Variants in SGCZ observed in about 807,000 individuals in gnomAD.
SGCZ encodes zeta-sarcoglycan.
Under a neutral mutation model 41.3 loss-of-function variants are expected in SGCZ, and 40 were observed. The ratio of observed to expected loss-of-function variants is 0.97; its 90% confidence interval spans 0.75 to 1.26. The LOEUF is 1.26. Ranked by LOEUF, SGCZ falls within the 50% of genes most tolerant of loss-of-function variation. The pLI, the probability that SGCZ is intolerant of heterozygous loss-of-function variation, is 0.00. For missense variants in SGCZ, 552 were observed against 369.8 expected (o/e 1.49, Z -4.04); for synonymous variants, 206 against 137.5 (o/e 1.50, Z -3.49).
intron 5 of SGCZ, among the ~76,000 whole-genome samples, chr8:14,114,492 A>G (rs1253556569): frequency 2.6e-5 from 4 of 152,032 alleles, no homozygotes; most frequent in African/African-American, 4.8e-5. Context: ...GGATTTCTAA[A>G]AAGAAATTGT....
Position 14,173,663 on chromosome 8 carries a change from C to G in SGCZ, c.425-8961G>C, listed in dbSNP as rs142074493. ...AAGAGGCTTAACTAAAAAGCCAATACTGGAGATTAAACTGAACATTAAAAA... is the reference window on the plus strand; with the variant it reads ...AAGAGGCTTAACTAAAAAGCCAATAGTGGAGATTAAACTGAACATTAAAAA... On this transcript the variant is annotated intron_variant, in intron 4 of 7. Coordinates refer to ENST00000382080, the MANE Select transcript of SGCZ (RefSeq NM_139167.4). Among the ~76,000 whole-genome samples, 219 of 152,080 alleles carry G rather than the reference C, an allele frequency of 1.4e-3. 1 individual carries two copies. Among genetic ancestry groups the G allele is most frequent in the African/African-American group, 5.0e-3 (209 of 41,506 alleles).
chr8:15,002,798 G>A (rs961740956), intron 1 of SGCZ, among the ~76,000 whole-genome samples: 1 of 152,120 alleles, frequency 6.6e-6, no homozygotes, highest in African/African-American at 2.4e-5. Flanking sequence ...ATGTATGCCA[G>A]CTGATATGAT....
chr8:14,400,640 A>G (rs1799044219), intron 2 of SGCZ, among the ~76,000 whole-genome samples: 1 of 152,168 alleles, frequency 6.6e-6, no homozygotes, highest in African/African-American at 2.4e-5. Context: ...CATACTGAAT[A>G]CATGAACTTT....
intron 1 of SGCZ, among the ~76,000 whole-genome samples, chr8:15,204,915 C>T (rs756072073): frequency 2.4e-4 from 36 of 152,066 alleles, no homozygotes; most frequent in Non-Finnish European, 4.6e-4. Flanking sequence ...ATTAAAAAAC[C>T]AGTTAGTGAA....
intron 1 of SGCZ, among the ~76,000 whole-genome samples, chr8:14,693,616 A>C (rs560819850): frequency 4.0e-5 from 4 of 99,232 alleles, no homozygotes; most frequent in Non-Finnish European, 7.4e-5. Flanking sequence ...TTTGAGACGG[A>C]GTCTCGCTCT....
chr8:14,092,380 T>G (rs1246116559), intron 7 of SGCZ, among the ~76,000 whole-genome samples: 1 of 152,132 alleles, frequency 6.6e-6, no homozygotes, highest in Non-Finnish European at 1.5e-5. Flanking sequence ...TTGATGGAGA[T>G]ATCATTGAAT....
At chr8:14,510,543 G>A (rs1319007906) in intron 2 of SGCZ, among the ~76,000 whole-genome samples, 1 of 152,094 alleles carries the variant, frequency 6.6e-6, no homozygotes, top group African/African-American at 2.4e-5. Context: ...AGAAAAAATG[G>A]AAATTAAACT....
chr8:14,165,929 A>C (rs1374787032), intron 4 of SGCZ, among the ~76,000 whole-genome samples: 1 of 152,132 alleles, frequency 6.6e-6, no homozygotes, highest in African/African-American at 2.4e-5. Flanking sequence ...CACTACTCCC[A>C]GTGCTAGCCA....
At position 14,802,795 on chromosome 8, in the gene SGCZ, G is replaced by A. The variant is rs73664480; in HGVS notation, c.40-247869C>T. ...AAAATGGGCTTAGATGAGATAAAGA[G>A]GAGCGAATGTTCCAAGAAATAGGGT... On this transcript the variant is annotated intron_variant, in intron 1 of 7. Transcript: ENST00000382080. 6.9e-3 allele frequency among the ~76,000 whole-genome samples: 1,057 copies of A among 152,258 alleles called. 10 individuals are homozygous for A. Among genetic ancestry groups the A allele is most frequent in the African/African-American group, 0.024 (1,016 of 41,534 alleles).
chr8:14,582,970 C>A (rs549500576), intron 1 of SGCZ, among the ~76,000 whole-genome samples: 3 of 151,836 alleles, frequency 2.0e-5, no homozygotes, highest in African/African-American at 4.8e-5. Flanking sequence ...AATAAAAATA[C>A]GTGTGCATGT....
intron 2 of SGCZ, among the ~76,000 whole-genome samples, chr8:14,548,088 T>A (rs1803686832): frequency 6.6e-6 from 1 of 152,110 alleles, no homozygotes; most frequent in Non-Finnish European, 1.5e-5. Context: ...CTGGAACACT[T>A]TTATTATTTT....
intron 4 of SGCZ, among the ~76,000 whole-genome samples, chr8:14,193,658 G>A (rs1563178204): frequency 6.6e-6 from 1 of 152,032 alleles, no homozygotes; most frequent in African/African-American, 2.4e-5. Flanking sequence ...TGTTACACAA[G>A]TTTATGTCTA....
At chr8:14,433,600 A>T (rs564542145) in intron 2 of SGCZ, among the ~76,000 whole-genome samples, 19 of 152,250 alleles carry the variant, frequency 1.2e-4, no homozygotes, top group African/African-American at 3.4e-4. Context: ...ATTGCATCTA[A>T]TTTCTTGATG....
chr8:14,482,877 T>A (rs995771514), intron 2 of SGCZ, among the ~76,000 whole-genome samples: 1 of 152,010 alleles, frequency 6.6e-6, no homozygotes, highest in African/African-American at 2.4e-5. Flanking sequence ...TAGGCTGGAA[T>A]TAACACCACT....
intron 3 of SGCZ, among the ~76,000 whole-genome samples, chr8:14,252,489 T>C (rs568131294): frequency 2.0e-5 from 3 of 152,202 alleles, no homozygotes; most frequent in African/African-American, 4.8e-5. Flanking sequence ...TAATTGTTTC[T>C]GTTAAATTTC....
At chr8:14,708,572 G>C (rs1183262126) in intron 1 of SGCZ, among the ~76,000 whole-genome samples, 1 of 151,792 alleles carries the variant, frequency 6.6e-6, no homozygotes, top group Non-Finnish European at 1.5e-5. Context: ...GCCTGAGCCT[G>C]TCCCTGACCA....
chr8:14,636,052 C>T (rs936380060), intron 1 of SGCZ, among the ~76,000 whole-genome samples: 9 of 151,428 alleles, frequency 5.9e-5, no homozygotes, highest in African/African-American at 2.2e-4. Context: ...TTTGACGAAA[C>T]TAACCTAGTA....
chr8:14,407,223 C>A (rs1229507438), intron 2 of SGCZ, among the ~76,000 whole-genome samples: 3 of 151,956 alleles, frequency 2.0e-5, no homozygotes, highest in East Asian at 1.9e-4. Flanking sequence ...TGTGTGCCAC[C>A]ATGCCCAGCT....
chr8:14,153,422 C>G (rs976011740), intron 5 of SGCZ, among the ~76,000 whole-genome samples: 6 of 152,078 alleles, frequency 3.9e-5, no homozygotes, highest in Non-Finnish European at 5.9e-5. Context: ...TTAGAGGAAT[C>G]AGTTACCTAA....
Sources: gnomAD v4.1 joint callset for allele counts (sites outside exome capture counted in the v4.1 genomes callset) on GRCh38, gnomAD v4.1.1 for gene constraint, MANE v1.5 for transcripts, NCBI Gene and HGNC (gene_info 2026-07-23, HGNC 2026-07-21) for gene names.